KCNT2: variants seen among roughly 807,000 people sequenced by gnomAD.
KCNT2 encodes potassium channel subfamily T member 2.
A neutral mutation model predicts 153.8 loss-of-function variants in KCNT2; 67 were observed. That is an observed-to-expected ratio of 0.44 (90% CI 0.36 to 0.53). The LOEUF is 0.53. Among genes scored for constraint, KCNT2 ranks in the 20% least tolerant of loss-of-function variants. The probability of loss-of-function intolerance (pLI) is 0.00; values close to 1 mark genes in which losing one functional copy is unlikely to be tolerated. For missense variants in KCNT2, 975 were observed against 1,354.8 expected (o/e 0.72, Z 4.40); for synonymous variants, 500 against 458.8 (o/e 1.09, Z -1.15).
At chr1:196,566,550 G>A (rs1236957495) in intron 1 of KCNT2, among the ~76,000 whole-genome samples, 3 of 152,016 alleles carry the variant, frequency 2.0e-5, no homozygotes, top group Admixed American at 6.6e-5. Flanking sequence ...CTCTCCATAC[G>A]TCAGGTGTGA....
intron 14 of KCNT2, among the ~76,000 whole-genome samples, chr1:196,353,394 T>C (rs1427977716): frequency 1.3e-5 from 2 of 151,912 alleles, no homozygotes; most frequent in Non-Finnish European, 1.5e-5. Context: ...GTAAGAAGAT[T>C]AGCAAATAAA....
intron 27 of KCNT2, among the ~76,000 whole-genome samples, chr1:196,230,037 A>G (rs924078912): frequency 6.6e-6 from 1 of 152,170 alleles, no homozygotes; most frequent in East Asian, 1.9e-4. Flanking sequence ...TATTAATAAG[A>G]TTATTGATGA....
At chr1:196,560,778 G>A (rs761870133) in intron 1 of KCNT2, among the ~76,000 whole-genome samples, 1 of 151,816 alleles carries the variant, frequency 6.6e-6, no homozygotes, top group African/African-American at 2.4e-5. Context: ...TGTGACAAAT[G>A]GTGCTGCCTT....
At chr1:196,578,278 C>T (rs772617117) in intron 1 of KCNT2, among the ~76,000 whole-genome samples, 75 of 151,900 alleles carry the variant, frequency 4.9e-4, no homozygotes, top group Admixed American at 1.2e-3. Flanking sequence ...CGATCCAGAA[C>T]GGACAGGATG....
At chr1:196,267,519 C>A (rs190386372) in intron 25 of KCNT2, among the ~76,000 whole-genome samples, 127 of 152,220 alleles carry the variant, frequency 8.3e-4, no homozygotes, top group African/African-American at 3.0e-3. Context: ...CTGAATTAGA[C>A]CCCTTAAAAC....
At chr1:196,265,834 G>C (rs1657491139) in intron 25 of KCNT2, among the ~76,000 whole-genome samples, 1 of 152,122 alleles carries the variant, frequency 6.6e-6, no homozygotes, top group Non-Finnish European at 1.5e-5. Context: ...ATACCCAAGA[G>C]GTTAATTCAA....
intron 4 of KCNT2, 69 bp from the exon 5 acceptor site, chr1:196,479,307 T>C: frequency 1.1e-6 from 1 of 889,252 alleles, no homozygotes; most frequent in Non-Finnish European, 1.8e-6. Flanking sequence ...TTGGCTATAC[T>C]ACTAACTTTA....
intron 21 of KCNT2, among the ~76,000 whole-genome samples, chr1:196,307,831 G>C (rs1661780898): frequency 6.6e-6 from 1 of 151,996 alleles, no homozygotes; most frequent in South Asian, 2.1e-4. Flanking sequence ...GAAAAAAAAT[G>C]TCAATTGACT....
intron 26 of KCNT2, among the ~76,000 whole-genome samples, chr1:196,245,847 TCTA>T (rs1214645745): frequency 6.6e-6 from 1 of 151,986 alleles, no homozygotes; most frequent in Non-Finnish European, 1.5e-5. Flanking sequence ...GCCTACAGAA[TCTA>T]GAAAACAGCA....
intron 14 of KCNT2, among the ~76,000 whole-genome samples, chr1:196,372,098 G>C (rs1412735548): frequency 6.6e-6 from 1 of 151,964 alleles, no homozygotes; most frequent in Non-Finnish European, 1.5e-5. Flanking sequence ...CTATTGCACA[G>C]ATTAAAGGCT....
chr1:196,419,165 A>T (rs1558266797), intron 12 of KCNT2, among the ~76,000 whole-genome samples: 3 of 150,318 alleles, frequency 2.0e-5, no homozygotes, highest in South Asian at 2.1e-4. Context: ...TTAATTTTTA[A>T]TTTTTTTTAT....
chr1:196,409,604 A>G (rs1465461201), intron 12 of KCNT2, among the ~76,000 whole-genome samples: 1 of 151,650 alleles, frequency 6.6e-6, no homozygotes, highest in Non-Finnish European at 1.5e-5. Context: ...AGAGTGTCAC[A>G]ACACATCATT....
At chr1:196,509,267 G>GAA (rs78796952) in intron 1 of KCNT2, among the ~76,000 whole-genome samples, 1 of 77,616 alleles carries the variant, frequency 1.3e-5, no homozygotes, top group Non-Finnish European at 2.7e-5. Context: ...GCGAAACTCC[G>GAA]AAAAAAAAAA....
intron 19 of KCNT2, 46 bp from the exon 20 acceptor site, chr1:196,319,601 T>C (rs1343621502): frequency 8.0e-7 from 1 of 1,257,528 alleles, no homozygotes; most frequent in African/African-American, 1.5e-5. Flanking sequence ...GTCACAACAG[T>C]GGCAGCACTT....
chr1:196,508,525 C>T (rs1194849197), intron 1 of KCNT2, among the ~76,000 whole-genome samples: 1 of 151,856 alleles, frequency 6.6e-6, no homozygotes, highest in Non-Finnish European at 1.5e-5. Context: ...GAAATAAGTT[C>T]ATAATTGGGA....
intron 16 of KCNT2, among the ~76,000 whole-genome samples, chr1:196,335,410 CT>C (rs1488610487): frequency 6.6e-6 from 1 of 152,084 alleles, no homozygotes; most frequent in Non-Finnish European, 1.5e-5. Context: ...CCTACTGCCC[CT>C]AGGCTATATG....
At chr1:196,412,499 G>A (rs1434030149) in intron 12 of KCNT2, among the ~76,000 whole-genome samples, 2 of 151,520 alleles carry the variant, frequency 1.3e-5, no homozygotes, top group African/African-American at 2.4e-5. Flanking sequence ...TGTGCAATTC[G>A]GAGTGGGTTG....
chr1:196,575,896 T>C (rs1661303094), intron 1 of KCNT2, among the ~76,000 whole-genome samples: 1 of 150,454 alleles, frequency 6.6e-6, no homozygotes, highest in South Asian at 2.1e-4. Context: ...AAGAATTGCT[T>C]TAACCTGGGA....
intron 26 of KCNT2, among the ~76,000 whole-genome samples, chr1:196,251,919 T>C (rs1429324170): frequency 3.3e-5 from 5 of 151,808 alleles, no homozygotes; most frequent in Non-Finnish European, 7.4e-5. Context: ...TTTAAAAATA[T>C]ATTTTTCCTT....
Sources: allele counts gnomAD v4.1 joint callset (sites outside exome capture counted in the v4.1 genomes callset), GRCh38; gene constraint gnomAD v4.1.1; transcripts MANE v1.5; gene names NCBI Gene and HGNC (gene_info 2026-07-23, HGNC 2026-07-21).